Variants in TMEM74 observed in about 807,000 individuals in gnomAD.
TMEM74 encodes transmembrane protein 74.
Under a neutral mutation model 18.1 loss-of-function variants are expected in TMEM74, and 13 were observed. The ratio of observed to expected loss-of-function variants is 0.72; its 90% CI spans 0.47 to 1.14. The LOEUF is 1.14. TMEM74 is among the 50% of genes most tolerant of loss of function. The pLI is 0.00. For synonymous variants in TMEM74, 159 were observed against 146.6 expected (o/e 1.08, Z -0.61); for missense variants, 372 against 375.9 (o/e 0.99, Z 0.09).
intron 2 of TMEM74, chr8:108,652,763 G>A (rs915014809): frequency 1.1e-4 from 58 of 530,970 alleles, no homozygotes; most frequent in Non-Finnish European, 2.0e-4. Context: ...CAGGACAAAG[G>A]CTGTGTATCA....
chr8:108,651,322 C>T (rs189364742), intron 2 of TMEM74, among the ~76,000 whole-genome samples: 1 of 152,090 alleles, frequency 6.6e-6, no homozygotes, highest in African/African-American at 2.4e-5. Flanking sequence ...CTTTACTGCC[C>T]TCTTTAGGAA....
At chr8:108,749,942 C>G (rs1813887989) in intron 1 of TMEM74, among the ~76,000 whole-genome samples, 1 of 152,120 alleles carries the variant, frequency 6.6e-6, no homozygotes, top group Non-Finnish European at 1.5e-5. Context: ...TTCAAAGTCT[C>G]CCTGCTTCTC....
chr8:108,623,829 C>T (rs1812467666), intron 2 of TMEM74, among the ~76,000 whole-genome samples: 2 of 152,096 alleles, frequency 1.3e-5, no homozygotes, highest in Admixed American at 6.6e-5. Flanking sequence ...ATTTTTACAA[C>T]TGCTATTGCT....
At chr8:108,675,952 C>T (rs1384716282) in intron 1 of TMEM74, among the ~76,000 whole-genome samples, 1 of 151,714 alleles carries the variant, frequency 6.6e-6, no homozygotes, top group African/African-American at 2.4e-5. Context: ...AATATAGGAG[C>T]AAAATAATTA....
intron 1 of TMEM74, among the ~76,000 whole-genome samples, chr8:108,764,530 A>G (rs1814080067): frequency 6.6e-6 from 1 of 152,146 alleles, no homozygotes; most frequent in Admixed American, 6.5e-5. Flanking sequence ...TCTGAAATAG[A>G]GAGTGCTTTG....
At chr8:108,749,502 T>C (rs1813883831) in intron 1 of TMEM74, among the ~76,000 whole-genome samples, 1 of 152,206 alleles carries the variant, frequency 6.6e-6, no homozygotes. Flanking sequence ...ATTGATTTTA[T>C]ATCCTGAGAC....
intron 1 of TMEM74, among the ~76,000 whole-genome samples, chr8:108,672,988 A>G (rs2130591585): frequency 6.6e-6 from 1 of 152,332 alleles, no homozygotes; most frequent in South Asian, 2.1e-4. Flanking sequence ...TTTTGACATG[A>G]AGATCCAGAT....
chr8:108,639,357 A>G (rs1185915408), intron 2 of TMEM74, among the ~76,000 whole-genome samples: 5 of 152,146 alleles, frequency 3.3e-5, no homozygotes, highest in African/African-American at 9.7e-5. Flanking sequence ...TCATGAGCTT[A>G]ACCACATGCA....
intron 1 of TMEM74, among the ~76,000 whole-genome samples, chr8:108,669,291 G>T (rs1812979256): frequency 6.6e-6 from 1 of 152,048 alleles, no homozygotes; most frequent in African/African-American, 2.4e-5. Context: ...CTGAGGCTGG[G>T]GTTGCAGCCT....
chr8:108,729,121 C>G (rs1813669301), intron 1 of TMEM74, among the ~76,000 whole-genome samples: 1 of 152,154 alleles, frequency 6.6e-6, no homozygotes, highest in Non-Finnish European at 1.5e-5. Flanking sequence ...AACTTGTTAA[C>G]AGAGCTGCAT....
chr8:108,623,173 G>C (rs1812460060), intron 2 of TMEM74, among the ~76,000 whole-genome samples: 1 of 152,018 alleles, frequency 6.6e-6, no homozygotes, highest in Admixed American at 6.6e-5. Context: ...AATTAGTTTT[G>C]ACTGTATGTC....
rs747754965 is a variant in TMEM74 at position 108,785,130 on chromosome 8, C to T, written c.-32G>A. 9.7e-6 allele frequency: 15 copies of T among 1,541,236 alleles called. No individual in the cohort carries two copies. The highest frequency in any genetic ancestry group is 1.2e-5 in the Non-Finnish European group (14 of 1,148,454). On this transcript the variant is annotated 5_prime_UTR_variant, in exon 2 of 2. Transcript: ENST00000297459. ...TAGTCAGACATCCCCCAGCAGCTTC[C>T]GGAAAGTCTGCCAATAGCAACAGAG...
At chr8:108,730,923 C>A (rs1405962904) in intron 1 of TMEM74, among the ~76,000 whole-genome samples, 1 of 152,134 alleles carries the variant, frequency 6.6e-6, no homozygotes, top group Non-Finnish European at 1.5e-5. Flanking sequence ...AGCCACCGCG[C>A]CCTGCCACCA....
At chr8:108,704,547 C>A (rs1046340499) in intron 1 of TMEM74, among the ~76,000 whole-genome samples, 1 of 145,254 alleles carries the variant, frequency 6.9e-6, no homozygotes, top group Non-Finnish European at 1.5e-5. Flanking sequence ...AGGAACAGAT[C>A]TACCATTATC....
At position 108,693,789 on chromosome 8, in the gene TMEM74, T is replaced by C. The variant is rs1049192789; in HGVS notation, n.120-38352A>G. Among the ~76,000 whole-genome samples the C allele has an allele frequency of 2.0e-5, 3 of 152,136 alleles. 1 individual carries two copies. Among genetic ancestry groups the C allele is most frequent in the Non-Finnish European group, 2.9e-5 (2 of 68,008 alleles). On this transcript the variant is annotated intron_variant and non_coding_transcript_variant, in intron 1 of 3. Transcript: ENST00000518838. ...AATCAATGGCAGGCATGCAGCAAAA[T>C]AGCAGAGTAAAGAATAATACACGAA... is the stretch of plus-strand genomic sequence containing the variant.
intron 1 of TMEM74, among the ~76,000 whole-genome samples, chr8:108,760,163 AGAGAGAGAGAGG>A (rs879338300): frequency 4.0e-5 from 6 of 151,408 alleles, no homozygotes; most frequent in Admixed American, 6.6e-5. Context: ...AGAGAGAGAG[AGAGAGAGAGAGG>A]GAGAGAGAGA....
chr8:108,633,288 T>C (rs958260783), intron 2 of TMEM74, among the ~76,000 whole-genome samples: 11 of 151,966 alleles, frequency 7.2e-5, no homozygotes, highest in African/African-American at 2.7e-4. Flanking sequence ...AATACTAAGT[T>C]TTGAAGGGCA....
intron 2 of TMEM74, among the ~76,000 whole-genome samples, chr8:108,641,921 G>C (rs555711067): frequency 3.3e-5 from 5 of 152,064 alleles, no homozygotes; most frequent in African/African-American, 1.2e-4. Context: ...TGCTCTCAGG[G>C]AATAATATCA....
chr8:108,701,229 T>G (rs1190126502), intron 1 of TMEM74, among the ~76,000 whole-genome samples: 1 of 147,752 alleles, frequency 6.8e-6, no homozygotes, highest in Non-Finnish European at 1.5e-5. Context: ...CTCTACAAGC[T>G]AGGAATAGAG....
Sources: allele counts gnomAD v4.1 joint callset (sites outside exome capture counted in the v4.1 genomes callset), GRCh38; gene constraint gnomAD v4.1.1; transcripts MANE v1.5; gene names NCBI Gene and HGNC (gene_info 2026-07-23, HGNC 2026-07-21).